The following CHD3 variants were observed in gnomAD, a reference collection of about 807,000 sequenced individuals.
CHD3 encodes the protein chromodomain helicase DNA binding protein 3, also known as ATP-dependent chromatin remodeler CHD3.
A neutral mutation model predicts 248.9 loss-of-function variants in CHD3; 52 were observed. The ratio of observed to expected loss-of-function variants is 0.21; its 90% CI spans 0.17 to 0.26. CHD3 has a LOEUF of 0.26. Among genes scored for constraint, CHD3 ranks in the 10% least tolerant of loss-of-function variants. The pLI is 1.00. For missense variants in CHD3, 1,482 were observed against 2,605.8 expected, an observed-to-expected ratio of 0.57 and a Z score of 9.39; for synonymous variants, 985 against 985.2, an observed-to-expected ratio of 1.00 and a Z score of 0.00.
At chr17:7,896,993 C>G in intron 10 of CHD3, 90 bp from the exon 11 acceptor site, 3 of 1,057,946 alleles carry the variant, frequency 2.8e-6, no homozygotes. Context: ...CTTTCCCTGT[C>G]CCATTCCTCC....
At position 7,906,055 on chromosome 17, in the gene CHD3, C is replaced by T; in HGVS notation, c.4358+66C>T. On this transcript the variant is annotated intron_variant, in intron 28 of 39. Coordinates refer to ENST00000330494, the MANE Select transcript of CHD3 (RefSeq NM_001005273.3). The surrounding 1 kb of genome is among the most constrained non-coding windows in gnomAD (Gnocchi z 5.0). ...AAGAGCTTTGGGTGTTCCTTTCTTC[C>T]TTGGGGCCGCCATATGATGTGACCT... The T allele has an allele frequency of 6.3e-7, 1 of 1,599,082 alleles. No individual in the cohort carries two copies. The highest frequency in any genetic ancestry group is 8.5e-7 in the Non-Finnish European group (1 of 1,169,890).
upstream of CHD3, chr17:7,884,866 GGAA>G (rs1967497725): frequency 3.2e-6 from 4 of 1,258,224 alleles, no homozygotes; most frequent in African/African-American, 3.1e-5. Flanking sequence ...TGTCGGAGGA[GGAA>G]GAAGAGGAGG....
chr17:7,889,800 C>G lies in CHD3; in HGVS notation c.213+24C>G. On this transcript the variant is annotated intron_variant, in intron 2 of 39. Transcript: ENST00000330494. This position sits in a 1 kb window ranked among gnomAD's most constrained non-coding sequence, Gnocchi z 4.5. ...GTGTAAGTGTCAAGAATTCCTAACT[C>G]TGTGGCAAGGCTCAAGAGACCCATT... 6.3e-7 allele frequency: 1 copy of G among 1,585,472 alleles called. No individual in the cohort carries two copies. The highest frequency in any genetic ancestry group is 8.6e-7 in the Non-Finnish European group (1 of 1,160,602).
Position 7,903,716 on chromosome 17 carries a change from A to G in CHD3, c.3728-109A>G. ...AACCTTTCAACATTGGCTCCCGGGG[A>G]AAAAGCCTTCTCTAGGGCTCCTGTG... On this transcript the variant is annotated intron_variant, in intron 23 of 39. Transcript: ENST00000330494. The surrounding 1 kb of genome is among the most constrained non-coding windows in gnomAD (Gnocchi z 6.8). 2 of 1,275,712 alleles carry G rather than the reference A, an allele frequency of 1.6e-6. No homozygotes were observed. Among genetic ancestry groups the G allele is most frequent in the Non-Finnish European group, 2.2e-6 (2 of 926,822 alleles). The allele number at this position is 1,275,712 out of a possible 1,614,324, so 79.0% of individuals were successfully genotyped here. A position where few individuals can be genotyped will look rare whatever the true frequency, so the allele number is the denominator to read the frequency against.
At position 7,890,208 on chromosome 17, in the gene CHD3, A is replaced by G. The variant is rs530396703; in HGVS notation, c.214-363A>G. On this transcript the variant is annotated intron_variant, in intron 2 of 39. Transcript: ENST00000330494. ...CACTTTGGGAGGCTGAGCCGGGTAG[A>G]TCATTTGAGGTCAGGAGTTCGCGAC... Among the ~76,000 whole-genome samples, 13 of 152,300 alleles carry G rather than the reference A, an allele frequency of 8.5e-5. 1 individual carries two copies. In the South Asian group the frequency reaches 2.7e-3, roughly 32 times the overall value.
chr17:7,884,849 A>G (rs1597890656), upstream of CHD3: 7 of 994,306 alleles, frequency 7.0e-6, no homozygotes, highest in South Asian at 3.5e-5. Context: ...GGAGGAGGAG[A>G]TGGTGGTGTC....
chr17:7,891,875 A>AC (rs2151479227), intron 4 of CHD3, among the ~76,000 whole-genome samples: 1 of 152,154 alleles, frequency 6.6e-6, no homozygotes, highest in East Asian at 1.9e-4. Context: ...AAAAAAAAAA[A>AC]GAAAAAATAG....
chr17:7,903,711 C>A lies in CHD3; in HGVS notation c.3728-114C>A. On this transcript the variant is annotated intron_variant, in intron 23 of 39. Coordinates refer to ENST00000330494, the MANE Select transcript of CHD3 (RefSeq NM_001005273.3). This position sits in a 1 kb window ranked among gnomAD's most constrained non-coding sequence, Gnocchi z 6.8. Reference sequence around the variant, plus strand: ...ACAAAAACCTTTCAACATTGGCTCCCGGGGAAAAAGCCTTCTCTAGGGCTC... The same window carrying A: ...ACAAAAACCTTTCAACATTGGCTCCAGGGGAAAAAGCCTTCTCTAGGGCTC... The A allele has an allele frequency of 8.1e-7, 1 of 1,236,558 alleles. No individual in the cohort carries two copies. Among genetic ancestry groups the A allele is most frequent in the Non-Finnish European group, 1.1e-6 (1 of 893,324 alleles). 76.6% of individuals were successfully genotyped at this position (1,236,558 alleles called of 1,614,324 possible).
rs148004601 is a variant in CHD3, at chr17:7,897,541, A to G, written c.1919+247A>G. On this transcript the variant is annotated intron_variant, in intron 11 of 39. Coordinates refer to ENST00000330494, the MANE Select transcript of CHD3 (RefSeq NM_001005273.3). The surrounding 1 kb of genome is among the most constrained non-coding windows in gnomAD (Gnocchi z 4.8). ...CATCTCCAGTGGCATAAGACATAGC[A>G]CATGAGTCTGGGGATGAGGGCATGA... Among the ~76,000 whole-genome samples, 7 of 152,352 alleles carry G rather than the reference A, an allele frequency of 4.6e-5. No homozygotes were observed. Among genetic ancestry groups the G allele is most frequent in the Non-Finnish European group, 1.0e-4 (7 of 68,038 alleles).
In CHD3 at chr17:7,888,830, G is replaced by A. The variant is rs1461054169; in HGVS notation, c.-171G>A. ...CTCCCATACTGCGTATAGATGAATG[G>A]GTCAGGATATCTGGAACAAAATATG... On this transcript the variant is annotated 5_prime_UTR_variant, in exon 1 of 40. Transcript: ENST00000330494. The A allele has an allele frequency of 1.4e-6, 2 of 1,448,688 alleles. No homozygotes were observed. The allele number at this position is 1,448,688 out of a possible 1,614,324, so 89.7% of individuals were successfully genotyped here. A position where few individuals can be genotyped will look rare whatever the true frequency, so the allele number is the denominator to read the frequency against.
chr17:7,899,886 A>T lies in CHD3; in HGVS notation c.2545-10A>T. On this transcript the variant is annotated splice_polypyrimidine_tract_variant and intron_variant, in intron 15 of 39. Transcript: ENST00000330494. This position sits in a 1 kb window ranked among gnomAD's most constrained non-coding sequence, Gnocchi z 6.8. ...GGTGGCAGCTGAATGGGCAATAATT[A>T]TGTTGGCAGAGGGAGGCACAGGTGA... is the stretch of plus-strand genomic sequence containing the variant. The T allele has an allele frequency of 1.2e-6, 2 of 1,610,270 alleles. No individual in the cohort carries two copies. The highest frequency in any genetic ancestry group is 2.2e-5 in the East Asian group (1 of 44,744).
At position 7,895,642 on chromosome 17, in the gene CHD3, TTC is replaced by T; in HGVS notation, c.1707+105_1707+106del. On this transcript the variant is annotated intron_variant, in intron 10 of 39. Coordinates refer to ENST00000330494, the MANE Select transcript of CHD3 (RefSeq NM_001005273.3). This position sits in a 1 kb window ranked among gnomAD's most constrained non-coding sequence, Gnocchi z 4.9. ...TTGTTGGGTTCCCATACTCTTTGTTTTCTCTCATTTCAGGCCTGTGGCCTTCA... is the reference window on the plus strand; with the variant it reads ...TTGTTGGGTTCCCATACTCTTTGTTTTCTCATTTCAGGCCTGTGGCCTTCA... The T allele has an allele frequency of 9.1e-7, 1 of 1,100,748 alleles. No homozygotes were observed. The highest frequency in any genetic ancestry group is 1.3e-6 in the Non-Finnish European group (1 of 746,924). The allele number at this position is 1,100,748 out of a possible 1,614,324, so 68.2% of individuals were successfully genotyped here. A position where few individuals can be genotyped will look rare whatever the true frequency, so the allele number is the denominator to read the frequency against.
At position 7,891,077 on chromosome 17, in the gene CHD3, T is replaced by C. The variant is rs1968780044; in HGVS notation, c.509+13T>C. ...GCCAGTTCATGAGGTGCGGTAAGAC[T>C]GGGGAATCCTCGCTAATTGACACTT... On this transcript the variant is annotated intron_variant, in intron 4 of 39. Coordinates refer to ENST00000330494, the MANE Select transcript of CHD3 (RefSeq NM_001005273.3). 6.2e-7 allele frequency: 1 copy of C among 1,612,296 alleles called. No homozygotes were observed. Among genetic ancestry groups the C allele is most frequent in the Non-Finnish European group, 8.5e-7 (1 of 1,178,560 alleles).
chr17:7,898,096 G>C lies in CHD3; in HGVS notation c.2045G>C (p.Arg682Thr). 1 of 1,613,646 alleles carries C rather than the reference G, an allele frequency of 6.2e-7. No individual in the cohort carries two copies. The highest frequency in any genetic ancestry group is 1.1e-5 in the South Asian group (1 of 90,994). ...GAAGAACATAAGCAAAGCTACTGGA[G>C]ACACCGGTGAGGGAATGAGCTTGTG... Reference protein sequence around the residue: ...EYEEHKQSYWRHRELIMGEDP... With the variant: ...EYEEHKQSYWTHRELIMGEDP... The change falls in exon 12 of 40, where the codon AGA (arginine) becomes ACA (threonine). Residue 682 changes from arginine to threonine, a missense_variant. By Grantham distance (71) the Arg-to-Thr change is moderately conservative (BLOSUM62 -1). This residue lies in a region of CHD3 where 127 missense variants were observed against 188.3 expected (regional missense o/e 0.67). Transcript: ENST00000330494.
rs1971573822 is a variant in CHD3 at position 7,910,899 on chromosome 17, G to A, written c.5807G>A (p.Ser1936Asn). The A allele has an allele frequency of 1.2e-6, 2 of 1,613,554 alleles. No homozygotes were observed. Among genetic ancestry groups the A allele is most frequent in the Non-Finnish European group, 1.7e-6 (2 of 1,179,826 alleles). The change falls in exon 39 of 40, where the codon AGC becomes AAC. Residue 1936 changes from serine (S) to asparagine (N), a missense_variant. Ser to Asn is a conservative substitution (Grantham distance 46, BLOSUM62 1). This residue lies in a region of CHD3 where 117 missense variants were observed against 137.2 expected (regional missense o/e 0.85). Transcript: ENST00000330494. This position sits in a 1 kb window ranked among gnomAD's most constrained non-coding sequence, Gnocchi z 4.7. Reference protein sequence around the residue: ...ATPPGYGAAFSAAPVGALAAA... With the variant: ...ATPPGYGAAFNAAPVGALAAA... Reference sequence around the variant, plus strand: ...CCTCCGGGGTACGGGGCGGCCTTCAGCGCCGCACCCGTAGGGGCCCTGGCC... The same window carrying A: ...CCTCCGGGGTACGGGGCGGCCTTCAACGCCGCACCCGTAGGGGCCCTGGCC...
At position 7,905,724 on chromosome 17, in the gene CHD3, T is replaced by C. The variant is rs367578967; in HGVS notation, c.4224+18T>C. On this transcript the variant is annotated intron_variant, in intron 27 of 39. Transcript: ENST00000330494. This position sits in a 1 kb window ranked among gnomAD's most constrained non-coding sequence, Gnocchi z 5.8. ...ACATTGAGGTGAGAGCTGGGCCCAG[T>C]GTTCCTGAGTTCTCCAAGAGGGCAT... 8 of 1,612,360 alleles carry C rather than the reference T, an allele frequency of 5.0e-6. No individual in the cohort carries two copies. Among genetic ancestry groups the C allele is most frequent in the Non-Finnish European group, 6.8e-6 (8 of 1,178,830 alleles).
intron 8 of CHD3, 28 bp from the exon 9 acceptor site, chr17:7,894,889 G>C (rs1457180646): frequency 1.9e-6 from 3 of 1,610,468 alleles, no homozygotes; most frequent in African/African-American, 1.3e-5. Flanking sequence ...TCTTCCATCT[G>C]TCTGTGTGTC....
In CHD3 at chr17:7,890,735, G is replaced by A. The variant is rs1434670177; in HGVS notation, c.378G>A (p.Gly126=). Reference sequence around the variant, plus strand: ...GGAAAAAGGGGGAGGGAGATGGGGGGCAAAAGGTGAGTAGAATTAGGGAAT... The same window carrying A: ...GGAAAAAGGGGGAGGGAGATGGGGGACAAAAGGTGAGTAGAATTAGGGAAT... ...KRRKKGEGDG[G]QKQVEQKSSA... is the part of the protein sequence containing the mutation. Residue 126 remains glycine (G), a synonymous_variant, in exon 3 of 40, where the codon GGG becomes GGA. Coordinates refer to ENST00000330494, the MANE Select transcript of CHD3 (RefSeq NM_001005273.3). The A allele has an allele frequency of 2.3e-6, 3 of 1,284,624 alleles. No homozygotes were observed. Among genetic ancestry groups the A allele is most frequent in the Admixed American group, 2.2e-5 (1 of 45,534 alleles). 79.6% of individuals were successfully genotyped at this position (1,284,624 alleles called of 1,614,324 possible).
chr17:7,897,212 C>T lies in CHD3; in HGVS notation c.1837C>T (p.His613Tyr), dbSNP rs1969795771. 1 of 1,614,068 alleles carries T rather than the reference C, an allele frequency of 6.2e-7. No homozygotes were observed. Among genetic ancestry groups the T allele is most frequent in the South Asian group, 1.1e-5 (1 of 91,080 alleles). The change falls in exon 11 of 40, where the codon CAC becomes TAC. Residue 613 changes from histidine to tyrosine, a missense_variant. Coordinates refer to ENST00000330494, the MANE Select transcript of CHD3 (RefSeq NM_001005273.3). The surrounding 1 kb of genome is among the most constrained non-coding windows in gnomAD (Gnocchi z 4.8). ...CGACAAGCGTAAAGTGAAAGACCCG[C>T]ACTATGCTGAGATGGAGGAGAAGTA... Reference protein sequence around the residue: ...KSDKRKVKDPHYAEMEEKYYR... With the variant: ...KSDKRKVKDPYYAEMEEKYYR...
Sources: gnomAD v4.1 joint callset for allele counts (sites outside exome capture counted in the v4.1 genomes callset) on GRCh38, gnomAD v4.1.1 for gene constraint, gnomAD v4.1.1 regional missense constraint, Gnocchi (gnomAD v3.1) non-coding constraint, MANE v1.5 for transcripts, NCBI Gene and HGNC (gene_info 2026-07-23, HGNC 2026-07-21) for gene names.